The following GABRA5 variants were observed in gnomAD, a reference collection of about 807,000 sequenced individuals.
GABRA5 encodes the protein gamma-aminobutyric acid type A receptor subunit alpha5, also known as gamma-aminobutyric acid receptor subunit alpha-5.
Under a neutral mutation model 47.3 loss-of-function variants are expected in GABRA5, and 18 were observed. That is an observed-to-expected ratio of 0.38 (90% CI 0.26 to 0.56). GABRA5 has a LOEUF of 0.56. Among genes scored for constraint, GABRA5 ranks in the 20% least tolerant of loss-of-function variants. The pLI is 0.71. For missense variants in GABRA5, 365 were observed against 599.3 expected, an observed-to-expected ratio of 0.61 and a Z score of 4.08; for synonymous variants, 237 against 229.3, an observed-to-expected ratio of 1.03 and a Z score of -0.30.
chr15:26,872,387 GCTTCC>G (rs1290053149), intron 3 of GABRA5, among the ~76,000 whole-genome samples: 1 of 152,140 alleles, frequency 6.6e-6, no homozygotes, highest in East Asian at 1.9e-4. Flanking sequence ...CTTACTCGGA[GCTTCC>G]TGTGTGACTC....
At chr15:26,929,667 C>G (rs890311008) in intron 7 of GABRA5, among the ~76,000 whole-genome samples, 1 of 152,308 alleles carries the variant, frequency 6.6e-6, no homozygotes, top group East Asian at 1.9e-4. Flanking sequence ...CACACCAGGG[C>G]CCCCCAGAAC....
At chr15:26,917,003 T>C (rs890592630) in intron 7 of GABRA5, among the ~76,000 whole-genome samples, 2 of 152,144 alleles carry the variant, frequency 1.3e-5, no homozygotes, top group Non-Finnish European at 2.9e-5. Flanking sequence ...TGTAAGATGA[T>C]GTCATCTATA....
At chr15:26,939,455 C>G in intron 8 of GABRA5, 1 of 758,082 alleles carries the variant, frequency 1.3e-6, no homozygotes, top group East Asian at 2.5e-5. Context: ...GCACCTGCGA[C>G]ACAGCCAGCA....
intron 6 of GABRA5, among the ~76,000 whole-genome samples, chr15:26,910,042 A>G (rs1236217134): frequency 6.6e-6 from 1 of 151,688 alleles, no homozygotes; most frequent in African/African-American, 2.4e-5. Context: ...ATACTTATCA[A>G]TTATTTATTT....
chr15:26,947,835 G>T, intron 10 of GABRA5, 99 bp from the exon 11 acceptor site: 1 of 1,081,428 alleles, frequency 9.2e-7, no homozygotes, highest in Non-Finnish European at 1.3e-6. Context: ...AGGCTAAACA[G>T]GTGTTTCTCT....
intron 9 of GABRA5, among the ~76,000 whole-genome samples, chr15:26,940,541 C>T (rs1312070686): frequency 1.4e-5 from 2 of 147,294 alleles, no homozygotes; most frequent in Non-Finnish European, 2.9e-5. Flanking sequence ...ACGTCGGTGC[C>T]CAAAAAGTTT....
In GABRA5 at chr15:26,880,875, A is replaced by C; in HGVS notation, c.116A>C (p.Lys39Thr). ...GFSQMPTSSVKDETNDNITIF... is the reference protein window; with the variant it reads ...GFSQMPTSSVTDETNDNITIF... ...TCACAGATGCCAACCAGTTCAGTGA[A>C]AGATGAGACCAATGACAACATCACG... Residue 39 changes from lysine to threonine, a missense_variant, in exon 4 of 11, where the codon AAA (lysine) becomes ACA (threonine). Physicochemically the swap from Lys to Thr is moderately conservative, Grantham distance 78 (BLOSUM62 -1). This residue lies in a region of GABRA5 where 216 missense variants were observed against 335.3 expected (regional missense o/e 0.64). Transcript: ENST00000335625. The C allele has an allele frequency of 1.2e-6, 2 of 1,613,978 alleles. No individual in the cohort carries two copies. The highest frequency in any genetic ancestry group is 1.7e-6 in the Non-Finnish European group (2 of 1,179,862).
chr15:26,905,002 G>A (rs1033384696), intron 6 of GABRA5, among the ~76,000 whole-genome samples: 8 of 152,088 alleles, frequency 5.3e-5, no homozygotes, highest in African/African-American at 1.9e-4. Context: ...ATATCGAATA[G>A]GAGTGGTGAG....
chr15:26,926,725 A>T (rs1893970016), intron 7 of GABRA5, among the ~76,000 whole-genome samples: 1 of 152,164 alleles, frequency 6.6e-6, no homozygotes, highest in Admixed American at 6.5e-5. Flanking sequence ...TGTGCTTTTG[A>T]TGTGATCAAA....
intron 3 of GABRA5, among the ~76,000 whole-genome samples, chr15:26,873,829 G>T (rs1566862260): frequency 6.6e-6 from 1 of 152,204 alleles, no homozygotes; most frequent in Non-Finnish European, 1.5e-5. Flanking sequence ...AAGTGGTGGT[G>T]CACCTAAAGG....
chr15:26,869,062 A>G, intron 2 of GABRA5, 113 bp from the exon 3 acceptor site: 1 of 563,884 alleles, frequency 1.8e-6, no homozygotes, highest in Non-Finnish European at 3.2e-6. Context: ...CTGGGGAAGG[A>G]CAGCGGGCTC....
At chr15:26,904,195 G>T (rs552582755) in intron 6 of GABRA5, among the ~76,000 whole-genome samples, 1 of 152,212 alleles carries the variant, frequency 6.6e-6, no homozygotes, top group African/African-American at 2.4e-5. Context: ...TAGCTAATCA[G>T]TTATCCCAGC....
intron 7 of GABRA5, among the ~76,000 whole-genome samples, chr15:26,924,633 G>GAA (rs1893916872): frequency 6.6e-6 from 1 of 152,128 alleles, no homozygotes; most frequent in Non-Finnish European, 1.5e-5. Flanking sequence ...CTCCATCAGT[G>GAA]GGTTGGGCAC....
intron 6 of GABRA5, among the ~76,000 whole-genome samples, chr15:26,913,182 CA>C (rs34449696): frequency 0.37 from 42,135 of 115,302 alleles, 6,107 homozygotes; most frequent in Middle Eastern, 0.5. Flanking sequence ...GACTCTGTCT[CA>C]AAAAAAAAAA....
intron 10 of GABRA5, among the ~76,000 whole-genome samples, chr15:26,945,320 C>G (rs1894485510): frequency 6.6e-6 from 1 of 152,200 alleles, no homozygotes; most frequent in African/African-American, 2.4e-5. Context: ...GTAAACTGTT[C>G]CATGGAAGTA....
intron 7 of GABRA5, among the ~76,000 whole-genome samples, chr15:26,936,186 G>A (rs549743384): frequency 6.6e-6 from 1 of 152,280 alleles, no homozygotes; most frequent in East Asian, 1.9e-4. Context: ...GGCCTCCCCA[G>A]CCATGTGGAA....
intron 6 of GABRA5, among the ~76,000 whole-genome samples, chr15:26,892,570 A>T (rs2140268487): frequency 6.6e-6 from 1 of 152,398 alleles, no homozygotes; most frequent in African/African-American, 2.4e-5. Flanking sequence ...AGAGCATTTT[A>T]GAAGTTTGAA....
In GABRA5 at chr15:26,883,432, T is replaced by C; in HGVS notation, c.372T>C (p.Leu124=). 1.2e-6 allele frequency: 2 copies of C among 1,614,120 alleles called. No individual in the cohort carries two copies. The highest frequency in any genetic ancestry group is 2.2e-5 in the East Asian group (1 of 44,864). ...PMQRLPLNNL[L]ASKIWTPDTF... is the part of the protein sequence containing the mutation. ...AGCGCCTCCCTCTCAACAACCTCCT[T>C]GCCAGCAAGATCTGGACCCCAGACA... is the stretch of plus-strand genomic sequence containing the variant. Residue 124 remains leucine, a synonymous_variant, in exon 6 of 11, where the codon CTT becomes CTC. Coordinates refer to ENST00000335625, the MANE Select transcript of GABRA5 (RefSeq NM_000810.4). This position sits in a 1 kb window ranked among gnomAD's most constrained non-coding sequence, Gnocchi z 4.8.
chr15:26,889,447 G>T (rs985064281), intron 6 of GABRA5, among the ~76,000 whole-genome samples: 50 of 151,492 alleles, frequency 3.3e-4, no homozygotes, highest in Middle Eastern at 3.4e-3. Context: ...AGTCTGTTTC[G>T]TTCTTATTTG....
Sources: gnomAD v4.1 joint callset for allele counts (sites outside exome capture counted in the v4.1 genomes callset) on GRCh38, gnomAD v4.1.1 for gene constraint, gnomAD v4.1.1 regional missense constraint, Gnocchi (gnomAD v3.1) non-coding constraint, MANE v1.5 for transcripts, NCBI Gene and HGNC (gene_info 2026-07-23, HGNC 2026-07-21) for gene names.